Variants in B3GALT1 observed in about 807,000 individuals in gnomAD.
B3GALT1 encodes UDP-Gal:betaGlcNAc beta 1,3-galactosyltransferase, polypeptide 1.
In B3GALT1, 10 loss-of-function variants were observed where a neutral mutation model predicts 23.2. The observed-to-expected ratio is 0.43, with a 90% CI of 0.27 to 0.73. B3GALT1 has a LOEUF of 0.73. B3GALT1 is among the 30% of genes least tolerant of loss of function. The pLI is 0.21. For missense variants in B3GALT1, 299 were observed against 405.4 expected (o/e 0.74, Z 2.25); for synonymous variants, 156 against 141.5 (o/e 1.10, Z -0.73).
chr2:167,367,354 G>A (rs1697604192), intron 1 of B3GALT1, among the ~76,000 whole-genome samples: 1 of 152,138 alleles, frequency 6.6e-6, no homozygotes, highest in Non-Finnish European at 1.5e-5. Context: ...GATCTTTCCA[G>A]TGAGGATGTG....
intron 2 of B3GALT1, among the ~76,000 whole-genome samples, chr2:167,579,432 C>CTTTGTTT (rs1684443411): frequency 9.2e-6 from 1 of 109,050 alleles, no homozygotes; most frequent in African/African-American, 3.8e-5. Context: ...TTTTTTTTGT[C>CTTTGTTT]TTTTTTTTTT....
intron 1 of B3GALT1, among the ~76,000 whole-genome samples, chr2:167,352,464 G>C (rs1697328136): frequency 6.6e-6 from 1 of 150,636 alleles, no homozygotes; most frequent in Admixed American, 6.6e-5. Context: ...GCTCACGCCT[G>C]TAATCCCAGC....
chr2:167,853,390 T>C (rs1157644290), intron 4 of B3GALT1, among the ~76,000 whole-genome samples: 4 of 152,148 alleles, frequency 2.6e-5, no homozygotes, highest in Non-Finnish European at 4.4e-5. Context: ...ACGTCAAATA[T>C]TGTCTCTTCC....
chr2:167,850,753 G>A (rs113602779), intron 4 of B3GALT1, among the ~76,000 whole-genome samples: 3 of 152,138 alleles, frequency 2.0e-5, no homozygotes, highest in African/African-American at 7.2e-5. Flanking sequence ...ACTGATACGT[G>A]GGAGCTAAGC....
chr2:167,513,091 AGTG>A lies in B3GALT1; in HGVS notation c.-410+22816_-410+22818del, dbSNP rs1165720411. On this transcript the variant is annotated intron_variant, in intron 2 of 4. Coordinates refer to ENST00000392690, the MANE Select transcript of B3GALT1 (RefSeq NM_020981.4). ...CACAAAAAAAAAAAAAAAAAAAAAA[AGTG>A]GAATCACTCAAACCTCTAGATCTAA... Among the ~76,000 whole-genome samples, 3 of 146,268 alleles carry A rather than the reference AGTG, an allele frequency of 2.1e-5. No individual in the cohort carries two copies. The East Asian group carries it at 6.0e-4, about 29-fold the overall frequency.
At chr2:167,435,680 G>A (rs1320975370) in intron 1 of B3GALT1, among the ~76,000 whole-genome samples, 5 of 151,852 alleles carry the variant, frequency 3.3e-5, no homozygotes, top group African/African-American at 4.8e-5. Flanking sequence ...ATACATAGAC[G>A]ACTTTAAAAT....
intron 3 of B3GALT1, among the ~76,000 whole-genome samples, chr2:167,703,964 G>A (rs151262556): frequency 0.06 from 9,042 of 151,956 alleles, 496 homozygotes; most frequent in East Asian, 0.24. Flanking sequence ...GGCGGATCAC[G>A]AGGTCAGGAG....
intron 3 of B3GALT1, among the ~76,000 whole-genome samples, chr2:167,785,937 T>C (rs985023693): frequency 1.7e-4 from 26 of 152,222 alleles, no homozygotes; most frequent in African/African-American, 6.3e-4. Flanking sequence ...TCCGATTTCA[T>C]AGTAGTAAAC....
intron 2 of B3GALT1, among the ~76,000 whole-genome samples, chr2:167,558,681 A>C (rs930285580): frequency 1.3e-5 from 2 of 152,190 alleles, no homozygotes; most frequent in Non-Finnish European, 2.9e-5. Flanking sequence ...GGAGGTTCCT[A>C]CGCCCATGGA....
At chr2:167,547,103 G>A (rs886286598) in intron 2 of B3GALT1, among the ~76,000 whole-genome samples, 3 of 152,114 alleles carry the variant, frequency 2.0e-5, no homozygotes, top group East Asian at 1.9e-4. Context: ...ACAGCAGCAC[G>A]TCCTCGGTCT....
chr2:167,667,745 G>A (rs1686230915), intron 3 of B3GALT1, among the ~76,000 whole-genome samples: 1 of 151,770 alleles, frequency 6.6e-6, no homozygotes, highest in African/African-American at 2.4e-5. Context: ...GATCGCATCG[G>A]CTGAGGCTTC....
chr2:167,429,386 A>G (rs915189812), intron 1 of B3GALT1, among the ~76,000 whole-genome samples: 1 of 152,164 alleles, frequency 6.6e-6, no homozygotes, highest in Admixed American at 6.5e-5. Flanking sequence ...TTAGCATGCT[A>G]AAATTTATTA....
intron 4 of B3GALT1, among the ~76,000 whole-genome samples, chr2:167,841,860 T>G (rs1176814664): frequency 6.6e-6 from 1 of 152,212 alleles, no homozygotes; most frequent in East Asian, 1.9e-4. Flanking sequence ...GAAATAATGA[T>G]AGAAAGACTA....
At chr2:167,396,532 ATATGTGTGTG>A (rs1216075918) in intron 1 of B3GALT1, among the ~76,000 whole-genome samples, 1 of 79,554 alleles carries the variant, frequency 1.3e-5, no homozygotes, top group African/African-American at 3.3e-5. Context: ...ATATATATAT[ATATGTGTGTG>A]TGTGTGTGTG....
chr2:167,816,208 A>ATGTT (rs1051816139), intron 3 of B3GALT1, among the ~76,000 whole-genome samples: 1 of 152,182 alleles, frequency 6.6e-6, no homozygotes, highest in Non-Finnish European at 1.5e-5. Context: ...TTGCATGTAT[A>ATGTT]TGTTTTCTAG....
chr2:167,380,791 T>C (rs568300309), intron 1 of B3GALT1, among the ~76,000 whole-genome samples: 62 of 152,216 alleles, frequency 4.1e-4, no homozygotes, highest in Non-Finnish European at 7.8e-4. Flanking sequence ...AGAGGGAGGC[T>C]CTCTGCCTCT....
In B3GALT1 at chr2:167,600,325, A is replaced by G. The variant is rs146660523; in HGVS notation, c.-409-46584A>G. ...AGTATTAAGGTTTTGTGGATTTTGT[A>G]GCCTTTTCCAATCTATAGTCACTAT... On this transcript the variant is annotated intron_variant, in intron 2 of 4. Transcript: ENST00000392690. 2.6e-4 allele frequency among the ~76,000 whole-genome samples: 40 copies of G among 152,294 alleles called. 1 individual carries two copies. Among genetic ancestry groups the G allele is most frequent in the African/African-American group, 9.1e-4 (38 of 41,564 alleles).
At chr2:167,803,514 A>T (rs1203929369) in intron 3 of B3GALT1, among the ~76,000 whole-genome samples, 1 of 152,166 alleles carries the variant, frequency 6.6e-6, no homozygotes, top group Non-Finnish European at 1.5e-5. Context: ...TTTGGAAAAC[A>T]TGTTGTTGGA....
chr2:167,848,143 G>A (rs566401517), intron 4 of B3GALT1, among the ~76,000 whole-genome samples: 1 of 152,230 alleles, frequency 6.6e-6, no homozygotes, highest in African/African-American at 2.4e-5. Context: ...TAGATTCCGA[G>A]CAGAATTCTA....
Sources: gnomAD v4.1 joint callset for allele counts (sites outside exome capture counted in the v4.1 genomes callset) on GRCh38, gnomAD v4.1.1 for gene constraint, MANE v1.5 for transcripts, NCBI Gene and HGNC (gene_info 2026-07-23, HGNC 2026-07-21) for gene names.